The following RAP1GDS1 variants were observed in gnomAD, a reference collection of about 807,000 sequenced individuals.
The protein encoded by RAP1GDS1 is Rap1 GTPase-GDP dissociation stimulator 1.
In RAP1GDS1, 35 loss-of-function variants were observed where a neutral mutation model predicts 71.1. That is an observed-to-expected ratio of 0.49 (90% confidence interval 0.38 to 0.65). RAP1GDS1 has a LOEUF of 0.65. RAP1GDS1 is among the 30% of genes least tolerant of loss of function. The probability of loss-of-function intolerance (pLI) is 0.00; values close to 1 mark genes in which losing one functional copy is unlikely to be tolerated. For missense variants in RAP1GDS1, 663 were observed against 706.1 expected (o/e 0.94, Z 0.69); for synonymous variants, 229 against 243.1 (o/e 0.94, Z 0.54).
intron 1 of RAP1GDS1, among the ~76,000 whole-genome samples, chr4:98,264,483 GCTA>G (rs148388580): frequency 0.012 from 1,841 of 152,240 alleles, 53 homozygotes; most frequent in East Asian, 0.035. Context: ...TATGGCCATA[GCTA>G]CTATTTTATG....
At chr4:98,431,442 A>G (rs531929983) in intron 12 of RAP1GDS1, among the ~76,000 whole-genome samples, 1 of 152,354 alleles carries the variant, frequency 6.6e-6, no homozygotes, top group Non-Finnish European at 1.5e-5. Flanking sequence ...TGCTAAATAG[A>G]TGAAATTGTT....
intron 1 of RAP1GDS1, among the ~76,000 whole-genome samples, chr4:98,269,519 A>G (rs926265316): frequency 1.3e-5 from 2 of 152,312 alleles, no homozygotes; most frequent in Admixed American, 1.3e-4. Context: ...AGGAAACAAC[A>G]AAATGAAAAG....
Position 98,352,620 on chromosome 4 carries a change from A to G in RAP1GDS1, c.361+19A>G. ...GATAGCCGTAAGTGTTGACATCTCA[A>G]TAATACACATACATTTTTAAGAATT... On this transcript the variant is annotated intron_variant, in intron 4 of 14. Transcript: ENST00000408927. 5.0e-6 allele frequency: 8 copies of G among 1,610,454 alleles called. No homozygotes were observed. Among genetic ancestry groups the G allele is most frequent in the Non-Finnish European group, 6.8e-6 (8 of 1,178,520 alleles).
chr4:98,294,267 A>G (rs546829399), intron 2 of RAP1GDS1, among the ~76,000 whole-genome samples: 1 of 152,098 alleles, frequency 6.6e-6, no homozygotes, highest in East Asian at 1.9e-4. Flanking sequence ...CCTATCCTGA[A>G]ACTAATTATG....
intron 1 of RAP1GDS1, among the ~76,000 whole-genome samples, chr4:98,281,170 G>C (rs1725030432): frequency 6.6e-6 from 1 of 152,060 alleles, no homozygotes; most frequent in African/African-American, 2.4e-5. Context: ...GCTTGATGGG[G>C]GGATGGCATT....
chr4:98,262,632 A>C lies in RAP1GDS1; in HGVS notation c.4+1063A>C, dbSNP rs148563305. 1.5e-4 allele frequency among the ~76,000 whole-genome samples: 23 copies of C among 152,278 alleles called. No individual in the cohort carries two copies. In the East Asian group the frequency reaches 4.1e-3, roughly 27 times the overall value. On this transcript the variant is annotated intron_variant, in intron 1 of 14. Coordinates refer to ENST00000408927, the MANE Select transcript of RAP1GDS1 (RefSeq NM_001100427.2). ...CTGTCTGTCATAATTTCCTCTTTTT[A>C]AAATTTGCTCCCTTGGCATCTGTCA...
intron 4 of RAP1GDS1, among the ~76,000 whole-genome samples, chr4:98,368,909 A>G (rs1007822965): frequency 1.1e-4 from 17 of 152,140 alleles, no homozygotes; most frequent in Non-Finnish European, 1.9e-4. Context: ...TCATTTTTAC[A>G]GTTTATTAGT....
Position 98,420,045 on chromosome 4 carries a change from G to C in RAP1GDS1, c.1201G>C (p.Ala401Pro). The change falls in exon 11 of 15, where the codon GCT becomes CCT. Residue 401 changes from alanine (A) to proline (P), a missense_variant. Coordinates refer to ENST00000408927, the MANE Select transcript of RAP1GDS1 (RefSeq NM_001100427.2). ...PVINKAKMLS[A>P]GVTEAVLKFL... The stretch of plus-strand genomic sequence containing the variant: ...TATAAATAAAGCAAAGATGTTATCA[G>C]CTGGGGTCACAGAGGCAGTTTTGAA... 6.2e-7 allele frequency: 1 copy of C among 1,605,390 alleles called. No homozygotes were observed. Among genetic ancestry groups the C allele is most frequent in the Non-Finnish European group, 8.5e-7 (1 of 1,175,694 alleles).
chr4:98,439,627 A>G (rs1311448889), intron 14 of RAP1GDS1, among the ~76,000 whole-genome samples: 1 of 152,120 alleles, frequency 6.6e-6, no homozygotes, highest in African/African-American at 2.4e-5. Context: ...TTTCTGTTGT[A>G]CAGACTGAGT....
Position 98,350,767 on chromosome 4 carries a change from G to A in RAP1GDS1, c.236-1709G>A, listed in dbSNP as rs1467145636. 3.3e-5 allele frequency among the ~76,000 whole-genome samples: 5 copies of A among 152,094 alleles called. 1 individual carries two copies. Among genetic ancestry groups the A allele is most frequent in the Non-Finnish European group, 7.4e-5 (5 of 68,008 alleles). Reference sequence around the variant, plus strand: ...GCAGAAGAATCATTTGAACCCAGGGGGCAGAGGTTGCAGTGAGCCGAGACT... The same window carrying A: ...GCAGAAGAATCATTTGAACCCAGGGAGCAGAGGTTGCAGTGAGCCGAGACT... On this transcript the variant is annotated intron_variant, in intron 3 of 14. Coordinates refer to ENST00000408927, the MANE Select transcript of RAP1GDS1 (RefSeq NM_001100427.2).
At chr4:98,263,760 A>G (rs1722347152) in intron 1 of RAP1GDS1, among the ~76,000 whole-genome samples, 1 of 152,242 alleles carries the variant, frequency 6.6e-6, no homozygotes. Context: ...ACCTGAAGAT[A>G]TAGTCTTCAT....
At chr4:98,314,418 A>G (rs980394891) in intron 2 of RAP1GDS1, among the ~76,000 whole-genome samples, 2 of 152,164 alleles carry the variant, frequency 1.3e-5, no homozygotes, top group Non-Finnish European at 2.9e-5. Flanking sequence ...AAAATATAAG[A>G]CAATCTCTTT....
In RAP1GDS1 at chr4:98,354,188, G is replaced by A. The variant is rs192994271; in HGVS notation, c.361+1587G>A. ...CGCCATTCTCCTGCCTCAGCCTCCC[G>A]AGTAGCTGGGACTACAGGCGCCCGC... On this transcript the variant is annotated intron_variant, in intron 4 of 14. Transcript: ENST00000408927. 5.0e-3 allele frequency among the ~76,000 whole-genome samples: 755 copies of A among 150,066 alleles called. 4 individuals are homozygous for A. Among genetic ancestry groups the A allele is most frequent in the Middle Eastern group, 0.034 (10 of 290 alleles).
intron 12 of RAP1GDS1, 62 bp downstream of exon 12, chr4:98,421,456 A>G: frequency 1.4e-6 from 2 of 1,443,240 alleles, no homozygotes; most frequent in Non-Finnish European, 9.3e-7. Context: ...GAAACCCAGC[A>G]TTGTAGGTCC....
At chr4:98,269,429 T>C (rs1383063176) in intron 1 of RAP1GDS1, among the ~76,000 whole-genome samples, 1 of 152,142 alleles carries the variant, frequency 6.6e-6, no homozygotes, top group African/African-American at 2.4e-5. Flanking sequence ...ATTTTTTGTT[T>C]ATGGCACCAA....
At position 98,403,753 on chromosome 4, in the gene RAP1GDS1, T is replaced by G. The variant is rs1471199832; in HGVS notation, c.638-724T>G. 2.0e-5 allele frequency among the ~76,000 whole-genome samples: 3 copies of G among 152,226 alleles called. No homozygotes were observed. In the East Asian group the frequency reaches 5.8e-4, roughly 29 times the overall value. Reference sequence around the variant, plus strand: ...AAGGAACTAGAATTTATACAGGTCTTGTGGAAAAGGAGGAACAATTATAGG... The same window carrying G: ...AAGGAACTAGAATTTATACAGGTCTGGTGGAAAAGGAGGAACAATTATAGG... On this transcript the variant is annotated intron_variant, in intron 6 of 14. Coordinates refer to ENST00000408927, the MANE Select transcript of RAP1GDS1 (RefSeq NM_001100427.2).
intron 1 of RAP1GDS1, among the ~76,000 whole-genome samples, chr4:98,262,100 A>G (rs1428069332): frequency 1.3e-5 from 2 of 152,238 alleles, no homozygotes; most frequent in African/African-American, 4.8e-5. Context: ...CTGCACGGAA[A>G]TTATTTTCCA....
chr4:98,281,973 T>C (rs980562345), intron 1 of RAP1GDS1, among the ~76,000 whole-genome samples: 1 of 152,184 alleles, frequency 6.6e-6, no homozygotes, highest in South Asian at 2.1e-4. Flanking sequence ...TTGATCGTGG[T>C]AGGTAAGCTT....
Position 98,420,022 on chromosome 4 carries a change from T to C in RAP1GDS1, c.1178T>C (p.Ile393Thr), listed in dbSNP as rs767145268. Residue 393 changes from isoleucine (I) to threonine (T), a missense_variant, in exon 11 of 15, where the codon ATA becomes ACA. Ile to Thr is a moderately conservative substitution (Grantham distance 89). Coordinates refer to ENST00000408927, the MANE Select transcript of RAP1GDS1 (RefSeq NM_001100427.2). ...SALRNLAIPVINKAKMLSAGV... is the reference protein window; with the variant it reads ...SALRNLAIPVTNKAKMLSAGV... ...CATAGTCTCTCTTTTTCTCCAGTTA[T>C]AAATAAAGCAAAGATGTTATCAGCT... is the stretch of plus-strand genomic sequence containing the variant. 9 of 1,593,852 alleles carry C rather than the reference T, an allele frequency of 5.6e-6. No individual in the cohort carries two copies. The South Asian group carries it at 8.1e-5, about 14-fold the overall frequency.
Sources: gnomAD v4.1 joint callset for allele counts (sites outside exome capture counted in the v4.1 genomes callset) on GRCh38, gnomAD v4.1.1 for gene constraint, MANE v1.5 for transcripts, NCBI Gene and HGNC (gene_info 2026-07-23, HGNC 2026-07-21) for gene names.